RAB3B: variants seen among roughly 807,000 people sequenced by gnomAD.
RAB3B encodes RAB3B, member RAS oncogene family.
RAB3B carries 11 observed loss-of-function variants against 20.5 expected under a neutral mutation model. That is an observed-to-expected ratio of 0.54 (90% CI 0.34 to 0.89). RAB3B has a LOEUF of 0.89. RAB3B is among the 40% of genes least tolerant of loss of function. The pLI is 0.02. For synonymous variants in RAB3B, 99 were observed against 106.3 expected (o/e 0.93, Z 0.42); for missense variants, 225 against 280.9 (o/e 0.80, Z 1.42).
chr1:51,953,231 A>G (rs1684663482), intron 2 of RAB3B, among the ~76,000 whole-genome samples: 1 of 152,132 alleles, frequency 6.6e-6, no homozygotes, highest in East Asian at 1.9e-4. Context: ...TGACATCAGC[A>G]CCATTCACAG....
chr1:51,926,060 G>C (rs1017863356), intron 4 of RAB3B, among the ~76,000 whole-genome samples: 3 of 152,194 alleles, frequency 2.0e-5, no homozygotes, highest in African/African-American at 7.2e-5. Flanking sequence ...GCTAGTCCCA[G>C]CCAGAAGCTA....
chr1:51,973,048 T>C (rs901300318), intron 2 of RAB3B, among the ~76,000 whole-genome samples: 1 of 152,198 alleles, frequency 6.6e-6, no homozygotes, highest in Non-Finnish European at 1.5e-5. Context: ...CTCATTTCCA[T>C]CCACCCTTCA....
At chr1:51,954,821 T>C (rs1684685055) in intron 2 of RAB3B, among the ~76,000 whole-genome samples, 1 of 152,250 alleles carries the variant, frequency 6.6e-6, no homozygotes, top group African/African-American at 2.4e-5. Flanking sequence ...GGATGTATCT[T>C]AGAATTGATA....
intron 4 of RAB3B, among the ~76,000 whole-genome samples, chr1:51,932,263 A>C (rs1684337105): frequency 6.6e-6 from 1 of 152,050 alleles, no homozygotes. Flanking sequence ...TAAACTCTCC[A>C]CTCCTCAATA....
Position 51,959,215 on chromosome 1 carries a change from T to C in RAB3B, c.228+17675A>G, listed in dbSNP as rs1684752925. Among the ~76,000 whole-genome samples, 3 of 152,060 alleles carry C rather than the reference T, an allele frequency of 2.0e-5. No individual in the cohort carries two copies. In the South Asian group the frequency reaches 6.2e-4, roughly 32 times the overall value. ...GAGTCTTCAAAGTCAAATGGGAGTT[T>C]GCTGATAGAAAATGGGGGAGGAGGC... On this transcript the variant is annotated intron_variant, in intron 2 of 4. Transcript: ENST00000371655.
intron 3 of RAB3B, among the ~76,000 whole-genome samples, chr1:51,934,288 C>T (rs1270934006): frequency 6.6e-6 from 1 of 152,090 alleles, no homozygotes; most frequent in African/African-American, 2.4e-5. Context: ...CTAACTCATC[C>T]TCCAGGGCCC....
intron 1 of RAB3B, among the ~76,000 whole-genome samples, chr1:51,979,887 CA>C (rs1274864823): frequency 2.0e-5 from 3 of 151,574 alleles, no homozygotes; most frequent in Non-Finnish European, 1.5e-5. Flanking sequence ...ACTAAAAATA[CA>C]AAAAATTGGC....
Position 51,933,417 on chromosome 1 carries a change from A to G in RAB3B, c.373T>C (p.Trp125Arg). Reference protein sequence around the residue: ...DWATQIKTYSWDNAQVILVGN... With the variant: ...DWATQIKTYSRDNAQVILVGN... ...ACCAGAATAACTTGTGCATTGTCCC[A>G]GGAGTAGGTCTTGATCTGAGTAGCC... Residue 125 changes from tryptophan to arginine, a missense_variant, in exon 4 of 5, where the codon TGG (tryptophan) becomes CGG (arginine). Physicochemically the swap from Trp to Arg is moderately radical, Grantham distance 101 (BLOSUM62 -3). Coordinates refer to ENST00000371655, the MANE Select transcript of RAB3B (RefSeq NM_002867.4). 6.2e-7 allele frequency: 1 copy of G among 1,613,196 alleles called. No homozygotes were observed. Among genetic ancestry groups the G allele is most frequent in the Non-Finnish European group, 8.5e-7 (1 of 1,179,176 alleles).
At chr1:51,953,133 C>G (rs1048211883) in intron 2 of RAB3B, among the ~76,000 whole-genome samples, 1 of 152,242 alleles carries the variant, frequency 6.6e-6, no homozygotes, top group Non-Finnish European at 1.5e-5. Context: ...AATGAACCAT[C>G]ATTCATAATA....
chr1:51,932,112 G>A (rs184787254), intron 4 of RAB3B, among the ~76,000 whole-genome samples: 1 of 152,082 alleles, frequency 6.6e-6, no homozygotes, highest in Admixed American at 6.5e-5. Context: ...AGGACACCTT[G>A]GGGAGAAAAA....
At chr1:51,931,574 G>T (rs146360005) in intron 4 of RAB3B, among the ~76,000 whole-genome samples, 27 of 152,152 alleles carry the variant, frequency 1.8e-4, no homozygotes, top group African/African-American at 6.3e-4. Flanking sequence ...TGCATCCTCC[G>T]TGCCCGGCCA....
At chr1:51,931,336 C>T (rs559973304) in intron 4 of RAB3B, among the ~76,000 whole-genome samples, 2 of 152,270 alleles carry the variant, frequency 1.3e-5, no homozygotes, top group South Asian at 2.1e-4. Context: ...AGGAGAATGA[C>T]GTTCCTCCTC....
At chr1:51,967,484 A>G (rs1391237012) in intron 2 of RAB3B, among the ~76,000 whole-genome samples, 1 of 114,306 alleles carries the variant, frequency 8.7e-6, no homozygotes, top group Non-Finnish European at 2.0e-5. Flanking sequence ...GAGGGAATTT[A>G]TATCAGGTAT....
chr1:51,930,572 C>T (rs1296516960), intron 4 of RAB3B, among the ~76,000 whole-genome samples: 1 of 152,144 alleles, frequency 6.6e-6, no homozygotes, highest in Non-Finnish European at 1.5e-5. Flanking sequence ...AAAAAACACA[C>T]ACACACAAAA....
intron 4 of RAB3B, among the ~76,000 whole-genome samples, chr1:51,931,567 A>G (rs1684323815): frequency 6.6e-6 from 1 of 152,176 alleles, no homozygotes; most frequent in South Asian, 2.1e-4. Context: ...ATATTTTTGC[A>G]TCCTCCGTGC....
intron 2 of RAB3B, among the ~76,000 whole-genome samples, chr1:51,957,968 G>A (rs987440305): frequency 1.0e-3 from 155 of 152,190 alleles, no homozygotes; most frequent in African/African-American, 3.4e-3. Flanking sequence ...ATGGCACCTC[G>A]TGGCAGCCTG....
At chr1:51,951,132 T>G (rs919221622) in intron 2 of RAB3B, among the ~76,000 whole-genome samples, 2 of 4,996 alleles carry the variant, frequency 4.0e-4, no homozygotes, top group African/African-American at 5.3e-4. Flanking sequence ...TGATGCAGAC[T>G]TTTTTTTTTT....
Position 51,933,393 on chromosome 1 carries a change from C to A in RAB3B, c.397G>T (p.Val133Leu). Reference sequence around the variant, plus strand: ...TCCTCCATGTCACACTTGTTCCCCACCAGAATAACTTGTGCATTGTCCCAG... The same window carrying A: ...TCCTCCATGTCACACTTGTTCCCCAACAGAATAACTTGTGCATTGTCCCAG... ...YSWDNAQVIL[V>L]GNKCDMEEER... The change falls in exon 4 of 5, where the codon GTG becomes TTG. Residue 133 changes from valine (V) to leucine (L), a missense_variant. Coordinates refer to ENST00000371655, the MANE Select transcript of RAB3B (RefSeq NM_002867.4). 1 of 1,613,754 alleles carries A rather than the reference C, an allele frequency of 6.2e-7. No individual in the cohort carries two copies. The highest frequency in any genetic ancestry group is 8.5e-7 in the Non-Finnish European group (1 of 1,179,690).
intron 2 of RAB3B, chr1:51,973,596 C>T (rs948826911): frequency 6.6e-6 from 1 of 152,166 alleles, no homozygotes; most frequent in Non-Finnish European, 1.5e-5. Context: ...ACCAGTTCAG[C>T]CATTTTCTTT....
Sources: allele counts gnomAD v4.1 joint callset (sites outside exome capture counted in the v4.1 genomes callset), GRCh38; gene constraint gnomAD v4.1.1; transcripts MANE v1.5; gene names NCBI Gene and HGNC (gene_info 2026-07-23, HGNC 2026-07-21).